Variants in DNAH14 observed in about 807,000 individuals in gnomAD.
The protein encoded by DNAH14 is axonemal beta dynein heavy chain 14.
Under a neutral mutation model 520.9 loss-of-function variants are expected in DNAH14, and 478 were observed. The ratio of observed to expected loss-of-function variants is 0.92; its 90% CI spans 0.85 to 0.99. DNAH14 has a LOEUF of 0.99. Ranked by LOEUF, DNAH14 falls within the 50% of genes least tolerant of loss-of-function variation. The pLI is 0.00. For missense variants in DNAH14, 4,831 were observed against 5,234.5 expected (o/e 0.92, Z 2.38); for synonymous variants, 1,581 against 1,757.2 (o/e 0.90, Z 2.51).
chr1:225,139,167 C>T (rs2079211869), intron 27 of DNAH14, among the ~76,000 whole-genome samples: 2 of 152,160 alleles, frequency 1.3e-5, no homozygotes, highest in Non-Finnish European at 1.5e-5. Flanking sequence ...AAAATATCCA[C>T]AGATCTTAAG....
rs186844676 is a variant in DNAH14 at position 225,262,923 on chromosome 1, C to T, written c.7158-1274C>T. 1.9e-3 allele frequency among the ~76,000 whole-genome samples: 281 copies of T among 151,586 alleles called. 4 individuals are homozygous for T. The highest frequency in any genetic ancestry group is 3.4e-3 in the Middle Eastern group (1 of 292). Reference sequence around the variant, plus strand: ...AGAATTGCATTAAATCTGTAGATTGCTTGGGCAGTATGGTCATCAAATGTT... The same window carrying T: ...AGAATTGCATTAAATCTGTAGATTGTTTGGGCAGTATGGTCATCAAATGTT... On this transcript the variant is annotated intron_variant, in intron 46 of 85. Transcript: ENST00000682510.
intron 3 of DNAH14, among the ~76,000 whole-genome samples, chr1:224,957,435 A>C (rs2060585352): frequency 6.6e-6 from 1 of 152,102 alleles, no homozygotes; most frequent in South Asian, 2.1e-4. Context: ...GTATTTGGGA[A>C]TAATCATGTG....
intron 8 of DNAH14, among the ~76,000 whole-genome samples, chr1:224,980,261 G>T (rs184770896): frequency 1.3e-5 from 2 of 152,142 alleles, no homozygotes; most frequent in Non-Finnish European, 2.9e-5. Context: ...AGAGCACACT[G>T]CCCTGAAGGG....
rs866947965 is a variant in DNAH14, at chr1:225,027,862, A to C, written c.1358+3997A>C. Among the ~76,000 whole-genome samples the C allele has an allele frequency of 8.7e-4, 44 of 50,796 alleles. 1 individual carries two copies. The highest frequency in any genetic ancestry group is 9.6e-3 in the Middle Eastern group (1 of 104). 33.3% of individuals were successfully genotyped at this position (50,796 alleles called of 152,430 possible). On this transcript the variant is annotated intron_variant, in intron 11 of 85. Transcript: ENST00000682510. ...TCATGAAATAGTGTTGGATTTTGTC[A>C]AATGCTTTTTTTTTTCTGTCTGTTG...
intron 43 of DNAH14, among the ~76,000 whole-genome samples, chr1:225,248,375 A>C (rs192044303): frequency 2.6e-5 from 4 of 152,278 alleles, no homozygotes; most frequent in Admixed American, 2.6e-4. Context: ...GACAAAATCA[A>C]AATTATACAC....
chr1:225,270,735 A>G lies in DNAH14; in HGVS notation c.7540A>G (p.Asn2514Asp), dbSNP rs1437131206. Reference sequence around the variant, plus strand: ...CTCTTCCTTTTTATCCTTATCACAGAATATTCAAGATCTGTCTATAGTTGC... The same window carrying G: ...CTCTTCCTTTTTATCCTTATCACAGGATATTCAAGATCTGTCTATAGTTGC... The part of the protein sequence containing the change: ...VYDTEKNTWK[N>D]IQDLSIVAAC... Residue 2514 changes from asparagine (N) to aspartate (D), a missense_variant and splice_region_variant, in exon 50 of 86, where the codon AAT becomes GAT. By Grantham distance (23) the Asn-to-Asp change is conservative. Transcript: ENST00000682510. 1 of 1,550,736 alleles carries G rather than the reference A, an allele frequency of 6.4e-7. No homozygotes were observed. Among genetic ancestry groups the G allele is most frequent in the East Asian group, 2.4e-5 (1 of 40,862 alleles).
Position 225,094,133 on chromosome 1 carries a change from A to T in DNAH14, c.3574-2985A>T, listed in dbSNP as rs115715654. Among the ~76,000 whole-genome samples the T allele has an allele frequency of 4.6e-3, 704 of 152,284 alleles. 4 individuals are homozygous for T. Among genetic ancestry groups the T allele is most frequent in the African/African-American group, 0.016 (662 of 41,566 alleles). On this transcript the variant is annotated intron_variant, in intron 21 of 85. Coordinates refer to ENST00000682510, the MANE Select transcript of DNAH14 (RefSeq NM_001367479.1). ...TTCACAGAATTAGAAAAATGTTTTA[A>T]AATTCATATGGAACCAAAAAAGAGC...
chr1:225,335,120 T>C (rs1272801133), intron 66 of DNAH14, among the ~76,000 whole-genome samples: 2 of 146,384 alleles, frequency 1.4e-5, no homozygotes, highest in Admixed American at 6.9e-5. Flanking sequence ...CATATATACA[T>C]GTGTACATAT....
intron 17 of DNAH14, among the ~76,000 whole-genome samples, chr1:225,052,991 A>G (rs1311273045): frequency 3.3e-5 from 5 of 152,140 alleles, no homozygotes; most frequent in Non-Finnish European, 7.4e-5. Flanking sequence ...TCATATCCTC[A>G]TTCCAGGCAG....
Position 225,087,044 on chromosome 1 carries a change from A to AGC in DNAH14, c.3573+1255_3573+1256insGC, listed in dbSNP as rs1293365260. Among the ~76,000 whole-genome samples, 323 of 148,176 alleles carry AGC rather than the reference A, an allele frequency of 2.2e-3. 1 individual carries two copies. Among genetic ancestry groups the AGC allele is most frequent in the Non-Finnish European group, 3.5e-3 (234 of 66,100 alleles). On this transcript the variant is annotated intron_variant, in intron 21 of 85. Transcript: ENST00000682510. ...CACACACACACACACACAGCCTTCTACTTCTAAGCAAGATGGAGTTTGGGG... is the reference window on the plus strand; with the variant it reads ...CACACACACACACACACAGCCTTCTAGCCTTCTAAGCAAGATGGAGTTTGGGG...
intron 35 of DNAH14, among the ~76,000 whole-genome samples, chr1:225,162,957 T>G (rs552779987): frequency 1.9e-4 from 29 of 151,650 alleles, no homozygotes; most frequent in Non-Finnish European, 3.7e-4. Flanking sequence ...GTCAACATGG[T>G]GAAACCTTGT....
chr1:225,341,048 C>G (rs985747838), intron 69 of DNAH14, among the ~76,000 whole-genome samples: 4 of 152,178 alleles, frequency 2.6e-5, no homozygotes, highest in African/African-American at 9.7e-5. Flanking sequence ...ATTACAGAGA[C>G]TCAATGATTG....
At chr1:225,172,252 G>A (rs904108190) in intron 36 of DNAH14, among the ~76,000 whole-genome samples, 15 of 152,148 alleles carry the variant, frequency 9.9e-5, no homozygotes, top group African/African-American at 3.6e-4. Flanking sequence ...AGTGTTGGCA[G>A]TTCTGGCCAG....
chr1:225,192,984 A>G (rs2085641620), intron 38 of DNAH14, 73 bp downstream of exon 38: 5 of 1,152,750 alleles, frequency 4.3e-6, no homozygotes, highest in Non-Finnish European at 6.1e-6. Context: ...AAAGACTGAT[A>G]TTAAAACATC....
chr1:225,074,405 C>G (rs1453713899), intron 17 of DNAH14, among the ~76,000 whole-genome samples: 5 of 152,182 alleles, frequency 3.3e-5, no homozygotes, highest in African/African-American at 1.2e-4. Context: ...GATACGGGAC[C>G]TACTTAATGA....
intron 23 of DNAH14, among the ~76,000 whole-genome samples, chr1:225,115,834 A>G (rs2076832955): frequency 6.6e-6 from 1 of 152,230 alleles, no homozygotes; most frequent in African/African-American, 2.4e-5. Context: ...ATGTGTTGGT[A>G]CTACAAAGAT....
intron 65 of DNAH14, among the ~76,000 whole-genome samples, chr1:225,331,959 A>G (rs1206218258): frequency 9.7e-6 from 1 of 102,658 alleles, no homozygotes; most frequent in Non-Finnish European, 1.9e-5. Context: ...AAAGAAAAAG[A>G]AAATTCTCCC....
intron 69 of DNAH14, among the ~76,000 whole-genome samples, chr1:225,341,727 A>G (rs1006893204): frequency 6.6e-6 from 1 of 152,234 alleles, no homozygotes; most frequent in Non-Finnish European, 1.5e-5. Context: ...CTTCTTCAGC[A>G]CAAAAAATAT....
Position 225,334,549 on chromosome 1 carries a change from T to C in DNAH14, c.10080+1043T>C, listed in dbSNP as rs187956858. Among the ~76,000 whole-genome samples the C allele has an allele frequency of 2.4e-3, 366 of 152,272 alleles. 2 individuals carry two copies. Among genetic ancestry groups the C allele is most frequent in the African/African-American group, 8.4e-3 (347 of 41,548 alleles). On this transcript the variant is annotated intron_variant, in intron 66 of 85. Transcript: ENST00000682510. Reference sequence around the variant, plus strand: ...TGTTACACGAAGGATTTTAAATGGCTATGTATCTATCTTAGCAAAGATGAC... The same window carrying C: ...TGTTACACGAAGGATTTTAAATGGCCATGTATCTATCTTAGCAAAGATGAC...
Sources: gnomAD v4.1 joint callset for allele counts (sites outside exome capture counted in the v4.1 genomes callset) on GRCh38, gnomAD v4.1.1 for gene constraint, MANE v1.5 for transcripts, NCBI Gene and HGNC (gene_info 2026-07-23, HGNC 2026-07-21) for gene names.